COQ7: variants seen among roughly 807,000 people sequenced by gnomAD.
The protein encoded by COQ7 is NADPH-dependent 3-demethoxyubiquinone 3-hydroxylase, mitochondrial.
A neutral mutation model predicts 25.0 loss-of-function variants in COQ7; 21 were observed. The ratio of observed to expected loss-of-function variants is 0.84; its 90% CI spans 0.60 to 1.21. The LOEUF (loss-of-function observed/expected upper bound fraction) is 1.21. Ranked by LOEUF, COQ7 falls within the 50% of genes most tolerant of loss-of-function variation. COQ7 has a pLI of 0.00. For missense variants in COQ7, 311 were observed against 296.2 expected (o/e 1.05, Z -0.37); for synonymous variants, 125 against 112.4 (o/e 1.11, Z -0.71).
chr16:19,071,095 A>G (rs1384788019), intron 1 of COQ7, among the ~76,000 whole-genome samples: 1 of 152,130 alleles, frequency 6.6e-6, no homozygotes, highest in African/African-American at 2.4e-5. Flanking sequence ...TCGAATGCCC[A>G]ACGGTGTGGG....
At chr16:19,071,678 A>G in intron 1 of COQ7, 1 of 492,376 alleles carries the variant, frequency 2.0e-6, no homozygotes, top group Non-Finnish European at 3.7e-6. Flanking sequence ...TTGCCATGTT[A>G]ACTGCCTGGT....
At chr16:19,080,172 T>G (rs1963064103), downstream of COQ7, 1 of 152,192 alleles carries the variant, frequency 6.6e-6, no homozygotes, top group Non-Finnish European at 1.5e-5. Context: ...ATGGTCAAAC[T>G]AGTTAAGATT....
At chr16:19,080,977 A>G (rs1308601205), downstream of COQ7, among the ~76,000 whole-genome samples, 2 of 152,210 alleles carry the variant, frequency 1.3e-5, no homozygotes, top group Non-Finnish European at 2.9e-5. Flanking sequence ...AAGGAAAAAC[A>G]TTCAGGACTC....
intron 1 of COQ7, chr16:19,068,526 C>T: frequency 6.4e-6 from 2 of 312,236 alleles, no homozygotes; most frequent in Non-Finnish European, 9.5e-6. Context: ...ATGGCAGGTG[C>T]CTGTAATCCC....
intron 2 of COQ7, among the ~76,000 whole-genome samples, chr16:19,073,312 A>AAAACAAAAG (rs1470039239): frequency 7.5e-6 from 1 of 132,630 alleles, no homozygotes; most frequent in Non-Finnish European, 1.7e-5. Context: ...CCGTCTCAAA[A>AAAACAAAAG]AAACAAAAAA....
At chr16:19,067,911 G>A in intron 1 of COQ7, 174 bp downstream of exon 1, 1 of 1,483,832 alleles carries the variant, frequency 6.7e-7, no homozygotes, top group African/African-American at 1.4e-5. Context: ...GGCGGGGTCT[G>A]TAGTTAGCGG....
rs766573744 is a variant in COQ7, at chr16:19,067,683, G to C, written c.19G>C (p.Ala7Pro). The C allele has an allele frequency of 5.6e-6, 9 of 1,611,250 alleles. No homozygotes were observed. The highest frequency in any genetic ancestry group is 1.3e-5 in the African/African-American group (1 of 74,984). Reference sequence around the variant, plus strand: ...TCCGGCAATGAGTTGCGCCGGGGCGGCGGCGGCTCCCCGCCTTTGGCGGCT... The same window carrying C: ...TCCGGCAATGAGTTGCGCCGGGGCGCCGGCGGCTCCCCGCCTTTGGCGGCT... The part of the protein sequence containing the change: MSCAGA[A>P]AAPRLWRLRP... Residue 7 changes from alanine to proline, a missense_variant, in exon 1 of 6, where the codon GCG becomes CCG. Coordinates refer to ENST00000321998, the MANE Select transcript of COQ7 (RefSeq NM_016138.5).
downstream of COQ7, among the ~76,000 whole-genome samples, chr16:19,082,916 A>G (rs1963119670): frequency 6.6e-6 from 1 of 152,140 alleles, no homozygotes; most frequent in Admixed American, 6.6e-5. Flanking sequence ...CCATAGAAAC[A>G]GAAGGTAGAT....
At position 19,072,059 on chromosome 16, in the gene COQ7, G is replaced by A. The variant is rs577566239; in HGVS notation, c.205G>A (p.Gly69Arg). 17 of 1,614,160 alleles carry A rather than the reference G, an allele frequency of 1.1e-5. No individual in the cohort carries two copies. In the African/African-American group the frequency reaches 1.3e-4, roughly 13 times the overall value. The stretch of plus-strand genomic sequence containing the variant: ...ATATGGAGCAAACCGCATCTATGCC[G>A]GGCAGATGGCTGTCCTGGGTCGGAC... ...GEYGANRIYA[G>R]QMAVLGRTSV... The change falls in exon 2 of 6, where the codon GGG (glycine) becomes AGG (arginine). Residue 69 changes from glycine to arginine, a missense_variant. By Grantham distance (125) the Gly-to-Arg change is moderately radical. Transcript: ENST00000321998.
In COQ7 at chr16:19,077,166, G is replaced by A. The variant is rs1032343443; in HGVS notation, c.508-140G>A. On this transcript the variant is annotated intron_variant, in intron 4 of 5. Coordinates refer to ENST00000321998, the MANE Select transcript of COQ7 (RefSeq NM_016138.5). ...GGCAGAGTTGGGTAGTTGCAACAAAGTATTTACTCTCTGGCCCTTTAGAGG... is the reference window on the plus strand; with the variant it reads ...GGCAGAGTTGGGTAGTTGCAACAAAATATTTACTCTCTGGCCCTTTAGAGG... 4 of 676,304 alleles carry A rather than the reference G, an allele frequency of 5.9e-6. No individual in the cohort carries two copies. In the African/African-American group the frequency reaches 7.2e-5, roughly 12 times the overall value. 41.9% of individuals were successfully genotyped at this position (676,304 alleles called of 1,614,324 possible).
Position 19,068,929 on chromosome 16 carries a change from A to G in COQ7, c.73+1192A>G, listed in dbSNP as rs1196436731. 1.6e-5 allele frequency: 7 copies of G among 440,086 alleles called. No homozygotes were observed. The East Asian group carries it at 2.8e-4, about 18-fold the overall frequency. 27.3% of individuals were successfully genotyped at this position (440,086 alleles called of 1,614,324 possible). ...ACAAATTAAAAAGTTATGAAATTGT[A>G]TTAAATACTGTCTTTCTGTTACAAA... On this transcript the variant is annotated intron_variant, in intron 1 of 5. Transcript: ENST00000321998.
intron 4 of COQ7, among the ~76,000 whole-genome samples, chr16:19,076,712 G>A (rs1159175926): frequency 6.7e-6 from 1 of 150,098 alleles, no homozygotes; most frequent in Non-Finnish European, 1.5e-5. Flanking sequence ...CTGCCTCGGC[G>A]TCCCAGGTAG....
chr16:19,070,140 G>A (rs999277682), intron 1 of COQ7, among the ~76,000 whole-genome samples: 11 of 152,120 alleles, frequency 7.2e-5, no homozygotes, highest in African/African-American at 2.7e-4. Context: ...ATGGCGAGGA[G>A]TAGACCAAAG....
chr16:19,072,155 C>T, intron 2 of COQ7, 49 bp downstream of exon 2: 1 of 1,602,750 alleles, frequency 6.2e-7, no homozygotes, highest in Non-Finnish European at 8.5e-7. Context: ...ATGGGCAGAT[C>T]CAAAGGACTT....
intron 1 of COQ7, 34 bp downstream of exon 1, chr16:19,067,771 G>T: frequency 6.3e-7 from 1 of 1,585,672 alleles, no homozygotes; most frequent in Non-Finnish European, 8.5e-7. Context: ...GTCCTGCGCC[G>T]GTCTAGCGAG....
Position 19,075,804 on chromosome 16 carries a change from A to C in COQ7, c.451A>C (p.Asn151His). The C allele has an allele frequency of 6.2e-7, 1 of 1,614,066 alleles. No individual in the cohort carries two copies. The highest frequency in any genetic ancestry group is 1.1e-5 in the South Asian group (1 of 91,076). Residue 151 changes from asparagine to histidine, a missense_variant, in exon 4 of 6, where the codon AAC (asparagine) becomes CAC (histidine). By Grantham distance (68) the Asn-to-His change is moderately conservative. Transcript: ENST00000321998. ...AGAGAGCATAGCACATCACTACAAC[A>C]ACCAGATCAGGACGCTGATGGAGGA... ...VEESIAHHYN[N>H]QIRTLMEEDP...
At position 19,075,799 on chromosome 16, in the gene COQ7, A is replaced by G. The variant is rs760710474; in HGVS notation, c.446A>G (p.Tyr149Cys). ...VAVEESIAHHYNNQIRTLMEE... is the reference protein window; with the variant it reads ...VAVEESIAHHCNNQIRTLMEE... ...GTGGAAGAGAGCATAGCACATCACT[A>G]CAACAACCAGATCAGGACGCTGATG... Residue 149 changes from tyrosine to cysteine, a missense_variant, in exon 4 of 6, where the codon TAC (tyrosine) becomes TGC (cysteine). Coordinates refer to ENST00000321998, the MANE Select transcript of COQ7 (RefSeq NM_016138.5). The G allele has an allele frequency of 1.2e-5, 20 of 1,613,902 alleles. No individual in the cohort carries two copies. Among genetic ancestry groups the G allele is most frequent in the Non-Finnish European group, 1.7e-5 (20 of 1,179,920 alleles).
intron 2 of COQ7, among the ~76,000 whole-genome samples, chr16:19,073,157 A>T (rs1276843704): frequency 6.6e-6 from 1 of 152,002 alleles, no homozygotes; most frequent in Non-Finnish European, 1.5e-5. Context: ...AATACAAAAC[A>T]AATCAGCCAG....
At chr16:19,067,794 C>T (rs1962303960) in intron 1 of COQ7, 57 bp downstream of exon 1, 2 of 1,573,758 alleles carry the variant, frequency 1.3e-6, no homozygotes, top group East Asian at 2.3e-5. Flanking sequence ...AGGGAATTTT[C>T]GCTTGAGGTT....
Sources: gnomAD v4.1 joint callset for allele counts (sites outside exome capture counted in the v4.1 genomes callset) on GRCh38, gnomAD v4.1.1 for gene constraint, MANE v1.5 for transcripts, NCBI Gene and HGNC (gene_info 2026-07-23, HGNC 2026-07-21) for gene names.